The following CADM2 variants were observed in gnomAD, a reference collection of about 807,000 sequenced individuals.
The protein encoded by CADM2 is cell adhesion molecule 2, also known as immunoglobulin superfamily member 4D.
Under a neutral mutation model 49.8 loss-of-function variants are expected in CADM2, and 12 were observed. The observed-to-expected ratio is 0.24, with a 90% confidence interval of 0.15 to 0.39. The LOEUF (loss-of-function observed/expected upper bound fraction) is 0.39, where lower values mean the gene tolerates loss of function less well. Among genes scored for constraint, CADM2 ranks in the 10% least tolerant of loss-of-function variants. The pLI, the probability that CADM2 is intolerant of heterozygous loss-of-function variation, is 1.00. For missense variants in CADM2, 378 were observed against 492.3 expected (o/e 0.77, Z 2.20); for synonymous variants, 214 against 175.4 (o/e 1.22, Z -1.74).
intron 1 of CADM2, among the ~76,000 whole-genome samples, chr3:85,154,995 G>A (rs2040058475): frequency 1.3e-5 from 2 of 151,746 alleles, no homozygotes; most frequent in African/African-American, 2.4e-5. Context: ...ATGCCAGAAT[G>A]TAAAGACCAT....
At chr3:85,505,056 T>C (rs563203636) in intron 1 of CADM2, among the ~76,000 whole-genome samples, 1 of 152,060 alleles carries the variant, frequency 6.6e-6, no homozygotes, top group South Asian at 2.1e-4. Flanking sequence ...CTGGCGCCTC[T>C]CCCTCCACAC....
intron 1 of CADM2, among the ~76,000 whole-genome samples, chr3:85,343,869 T>C (rs916314274): frequency 3.3e-5 from 5 of 152,170 alleles, no homozygotes; most frequent in African/African-American, 1.2e-4. Context: ...TTTTCTCCTT[T>C]TCAGTGTTTC....
chr3:85,231,060 A>C (rs1358294120), intron 1 of CADM2, among the ~76,000 whole-genome samples: 2 of 151,392 alleles, frequency 1.3e-5, no homozygotes, highest in African/African-American at 4.9e-5. Flanking sequence ...TGATATGGTC[A>C]CCCTTGGCCT....
chr3:85,306,513 C>T lies in CADM2; in HGVS notation c.61+346845C>T, dbSNP rs114684629. Among the ~76,000 whole-genome samples the T allele has an allele frequency of 4.9e-3, 749 of 151,670 alleles. 4 individuals carry two copies. Among genetic ancestry groups the T allele is most frequent in the Admixed American group, 0.013 (194 of 15,196 alleles). On this transcript the variant is annotated intron_variant, in intron 1 of 9. Transcript: ENST00000383699. ...AAGATTAAAATGTTTTCCTTTAATT[C>T]TAAAGCCTTTTGACATGGAATAGTT...
intron 1 of CADM2, among the ~76,000 whole-genome samples, chr3:85,322,479 T>C (rs2107111897): frequency 6.6e-6 from 1 of 152,310 alleles, no homozygotes; most frequent in South Asian, 2.1e-4. Flanking sequence ...AGTGTTTCAT[T>C]TTTACCTGTT....
chr3:85,844,025 C>T (rs1184186847), intron 3 of CADM2, among the ~76,000 whole-genome samples: 1 of 151,986 alleles, frequency 6.6e-6, no homozygotes, highest in African/African-American at 2.4e-5. Context: ...GTCCCAGCAC[C>T]ACTTCTTCAT....
intron 1 of CADM2, among the ~76,000 whole-genome samples, chr3:85,015,930 G>A (rs1012260151): frequency 6.6e-6 from 1 of 152,132 alleles, no homozygotes; most frequent in African/African-American, 2.4e-5. Flanking sequence ...ATGAGTAGGT[G>A]TGATATGATT....
chr3:86,024,366 C>T (rs1444119997), intron 8 of CADM2, among the ~76,000 whole-genome samples: 2 of 152,120 alleles, frequency 1.3e-5, no homozygotes, highest in Non-Finnish European at 2.9e-5. Flanking sequence ...CACAAGTAAG[C>T]GAGAATCTCT....
chr3:85,912,810 C>T (rs13353520), intron 6 of CADM2, among the ~76,000 whole-genome samples: 6,264 of 151,986 alleles, frequency 0.041, 436 homozygotes, highest in African/African-American at 0.14. Context: ...TAGGCGTGCA[C>T]GTAAGGGTGG....
chr3:85,571,621 A>T (rs1170801334), intron 1 of CADM2, among the ~76,000 whole-genome samples: 1 of 152,236 alleles, frequency 6.6e-6, no homozygotes, highest in South Asian at 2.1e-4. Flanking sequence ...CATATAGCAC[A>T]TTGAATTCTT....
chr3:85,695,394 G>A (rs574578619), intron 1 of CADM2, among the ~76,000 whole-genome samples: 17 of 151,972 alleles, frequency 1.1e-4, no homozygotes, highest in Admixed American at 7.2e-4. Context: ...TTGCTTACCC[G>A]TAGTTTAGCT....
intron 1 of CADM2, among the ~76,000 whole-genome samples, chr3:85,229,963 CTTG>C (rs2042250214): frequency 2.0e-5 from 3 of 152,124 alleles, no homozygotes; most frequent in African/African-American, 7.2e-5. Context: ...TGTAAGATAA[CTTG>C]TGTTATTAAA....
At chr3:85,432,665 T>C (rs1180099510) in intron 1 of CADM2, among the ~76,000 whole-genome samples, 1 of 152,134 alleles carries the variant, frequency 6.6e-6, no homozygotes, top group East Asian at 1.9e-4. Context: ...AATTCTAGAC[T>C]CCAGTCCTGC....
intron 1 of CADM2, among the ~76,000 whole-genome samples, chr3:85,091,055 G>A (rs1021620916): frequency 1.6e-4 from 24 of 152,104 alleles, no homozygotes; most frequent in African/African-American, 5.6e-4. Context: ...TGCAGATTGC[G>A]GGGATACAAT....
intron 8 of CADM2, among the ~76,000 whole-genome samples, chr3:86,019,459 T>C (rs1225230549): frequency 6.6e-6 from 1 of 151,328 alleles, no homozygotes; most frequent in African/African-American, 2.4e-5. Flanking sequence ...ATCTGTAAAT[T>C]ATCTTGGGCA....
chr3:85,032,401 T>C (rs945064258), intron 1 of CADM2, among the ~76,000 whole-genome samples: 13 of 152,152 alleles, frequency 8.5e-5, no homozygotes, highest in Admixed American at 2.0e-4. Context: ...GAGAAAGTCA[T>C]GTGGGGACGC....
intron 1 of CADM2, among the ~76,000 whole-genome samples, chr3:85,416,462 A>G (rs1229717788): frequency 6.6e-6 from 1 of 152,206 alleles, no homozygotes; most frequent in African/African-American, 2.4e-5. Flanking sequence ...AGAAAACGTA[A>G]AAAATTTACA....
chr3:85,726,187 A>G (rs1170472385), intron 1 of CADM2, among the ~76,000 whole-genome samples: 2 of 151,992 alleles, frequency 1.3e-5, no homozygotes, highest in Non-Finnish European at 2.9e-5. Context: ...AAGTATATTT[A>G]AACTATATAT....
At chr3:85,495,190 C>T (rs1187142410) in intron 1 of CADM2, among the ~76,000 whole-genome samples, 1 of 152,100 alleles carries the variant, frequency 6.6e-6, no homozygotes, top group Non-Finnish European at 1.5e-5. Flanking sequence ...TGGATGATGG[C>T]TGTGGTAAAG....
Sources: allele counts gnomAD v4.1 joint callset (sites outside exome capture counted in the v4.1 genomes callset), GRCh38; gene constraint gnomAD v4.1.1; transcripts MANE v1.5; gene names NCBI Gene and HGNC (gene_info 2026-07-23, HGNC 2026-07-21).